The following FZD3 variants were observed in gnomAD, a reference collection of about 807,000 sequenced individuals.
The protein encoded by FZD3 is frizzled class receptor 3.
A neutral mutation model predicts 60.7 loss-of-function variants in FZD3; 30 were observed. The ratio of observed to expected loss-of-function variants is 0.49; its 90% confidence interval spans 0.37 to 0.67. FZD3 has a LOEUF of 0.67. Among genes scored for constraint, FZD3 ranks in the 30% least tolerant of loss-of-function variants. FZD3 has a pLI of 0.00. For missense variants in FZD3, 605 were observed against 838.7 expected (o/e 0.72, Z 3.44); for synonymous variants, 246 against 275.2 (o/e 0.89, Z 1.05).
chr8:28,557,354 A>G (rs1805530460), intron 7 of FZD3, among the ~76,000 whole-genome samples: 1 of 152,138 alleles, frequency 6.6e-6, no homozygotes, highest in Non-Finnish European at 1.5e-5. Context: ...GAAAATTATA[A>G]TACCTGAAAC....
chr8:28,533,769 C>A (rs368780743), intron 5 of FZD3, among the ~76,000 whole-genome samples: 2 of 152,062 alleles, frequency 1.3e-5, no homozygotes, highest in Non-Finnish European at 2.9e-5. Context: ...TTCCCTCCAA[C>A]GTGTATTTTT....
intron 5 of FZD3, among the ~76,000 whole-genome samples, chr8:28,531,121 T>C (rs1804863655): frequency 6.6e-6 from 1 of 152,172 alleles, no homozygotes; most frequent in Admixed American, 6.5e-5. Flanking sequence ...TTCCTTTCCA[T>C]ATTTCCATTC....
chr8:28,550,435 CTG>C (rs35198887), intron 5 of FZD3, among the ~76,000 whole-genome samples: 62,352 of 106,252 alleles, frequency 0.59, 14,252 homozygotes, highest in East Asian at 0.63. Context: ...ATTAGTTCTG[CTG>C]TTTTTTTTTT....
At chr8:28,555,600 G>T in intron 6 of FZD3, 138 bp from the exon 7 acceptor site, 3 of 625,956 alleles carry the variant, frequency 4.8e-6, no homozygotes. Flanking sequence ...TGTCAACAAT[G>T]TTTCTTCATG....
intron 3 of FZD3, among the ~76,000 whole-genome samples, chr8:28,508,804 T>C (rs1277231393): frequency 6.6e-6 from 1 of 152,238 alleles, no homozygotes; most frequent in Non-Finnish European, 1.5e-5. Flanking sequence ...GAATTACAGA[T>C]GTGAACCACC....
chr8:28,559,416 T>C (rs1347677662), intron 7 of FZD3, among the ~76,000 whole-genome samples: 1 of 152,196 alleles, frequency 6.6e-6, no homozygotes, highest in Non-Finnish European at 1.5e-5. Flanking sequence ...CTCAGCTAAG[T>C]TTGCAGCTTC....
chr8:28,495,917 C>T (rs1300035255), intron 1 of FZD3, among the ~76,000 whole-genome samples: 1 of 152,030 alleles, frequency 6.6e-6, no homozygotes, highest in East Asian at 1.9e-4. Context: ...TCATTCTACC[C>T]TCTCTTTCCT....
At chr8:28,545,184 A>G (rs756211011) in intron 5 of FZD3, among the ~76,000 whole-genome samples, 1 of 152,206 alleles carries the variant, frequency 6.6e-6, no homozygotes, top group Non-Finnish European at 1.5e-5. Flanking sequence ...GCTACTCTTC[A>G]GAGAGATGCA....
intron 3 of FZD3, among the ~76,000 whole-genome samples, chr8:28,514,724 A>C (rs1398136295): frequency 6.6e-6 from 1 of 152,178 alleles, no homozygotes; most frequent in East Asian, 1.9e-4. Context: ...TAAAAACTTC[A>C]TTCCTGTTTT....
At chr8:28,526,836 A>G (rs1804725299) in intron 4 of FZD3, among the ~76,000 whole-genome samples, 1 of 152,214 alleles carries the variant, frequency 6.6e-6, no homozygotes, top group South Asian at 2.1e-4. Context: ...TGGCAAAAAA[A>G]TTAAAGATGA....
rs535937971 is a variant in FZD3 at position 28,510,104 on chromosome 8, T to G, written c.189+6902T>G. On this transcript the variant is annotated intron_variant, in intron 3 of 7. Transcript: ENST00000240093. ...CTTGGCTAACACTAGGTATTTTCTGTTTTTTTTGTTTTTGTTTTTTTGTTT... is the reference window on the plus strand; with the variant it reads ...CTTGGCTAACACTAGGTATTTTCTGGTTTTTTTGTTTTTGTTTTTTTGTTT... 2.4e-3 allele frequency among the ~76,000 whole-genome samples: 272 copies of G among 111,396 alleles called. 3 individuals are homozygous for G. The highest frequency in any genetic ancestry group is 8.2e-3 in the African/African-American group (257 of 31,272). The allele number at this position is 111,396 out of a possible 152,430, so 73.1% of individuals were successfully genotyped here.
chr8:28,516,409 C>A (rs1389267011), intron 3 of FZD3, among the ~76,000 whole-genome samples: 1 of 152,102 alleles, frequency 6.6e-6, no homozygotes, highest in African/African-American at 2.4e-5. Context: ...AATTTTAGGA[C>A]CAGCTTTTCC....
At position 28,522,575 on chromosome 8, in the gene FZD3, T is replaced by C. The variant is rs185413544; in HGVS notation, c.386+1741T>C. Among the ~76,000 whole-genome samples the C allele has an allele frequency of 3.0e-3, 464 of 152,304 alleles. 4 individuals carry two copies. Among genetic ancestry groups the C allele is most frequent in the African/African-American group, 0.011 (453 of 41,570 alleles). ...TTATAAATTGCCTGGGCAGGAACTC[T>C]GTTTTATGCTTCTTGTATTTAACGC... On this transcript the variant is annotated intron_variant, in intron 4 of 7. Transcript: ENST00000240093.
intron 5 of FZD3, among the ~76,000 whole-genome samples, chr8:28,531,569 G>A (rs751230026): frequency 2.0e-5 from 3 of 152,132 alleles, no homozygotes; most frequent in South Asian, 2.1e-4. Flanking sequence ...TAATTTATAC[G>A]CACACCAGAA....
chr8:28,525,077 C>G (rs745789573), intron 4 of FZD3, among the ~76,000 whole-genome samples: 1 of 152,108 alleles, frequency 6.6e-6, no homozygotes, highest in Non-Finnish European at 1.5e-5. Context: ...TTGCCCCGCT[C>G]AAGTCTGTCT....
In FZD3 at chr8:28,570,593, C is replaced by G. The variant is rs2130492578; in HGVS notation, c.*7582C>G. 6.6e-6 allele frequency: 1 copy of G among 151,028 alleles called. No individual in the cohort carries two copies. The highest frequency in any genetic ancestry group is 1.9e-4 in the East Asian group (1 of 5,138). The allele number at this position is 151,028 out of a possible 1,614,324, so 9.4% of individuals were successfully genotyped here. A position where few individuals can be genotyped will look rare whatever the true frequency, so the allele number is the denominator to read the frequency against. ...TGAGCTGAGATCGCACCGCTGCACT[C>G]CAGCCTGGGCAACGGAGCGAGACTC... On this transcript the variant is annotated 3_prime_UTR_variant, in exon 8 of 8. Coordinates refer to ENST00000240093, the MANE Select transcript of FZD3 (RefSeq NM_017412.4).
chr8:28,570,527 A>T lies in FZD3; in HGVS notation c.*7516A>T, dbSNP rs1805786956. 1 of 151,672 alleles carries T rather than the reference A, an allele frequency of 6.6e-6. No individual in the cohort carries two copies. Among genetic ancestry groups the T allele is most frequent in the South Asian group, 2.1e-4 (1 of 4,808 alleles). 9.4% of individuals were successfully genotyped at this position (151,672 alleles called of 1,614,324 possible). A position where few individuals can be genotyped will look rare whatever the true frequency, so the allele number is the denominator to read the frequency against. ...GTAGTCCCAGCCACTCGGGAGGCTGAGGCAGGAGAATGGCGTGAACCCGGG... is the reference window on the plus strand; with the variant it reads ...GTAGTCCCAGCCACTCGGGAGGCTGTGGCAGGAGAATGGCGTGAACCCGGG... On this transcript the variant is annotated 3_prime_UTR_variant, in exon 8 of 8. Coordinates refer to ENST00000240093, the MANE Select transcript of FZD3 (RefSeq NM_017412.4).
chr8:28,520,633 C>G lies in FZD3; in HGVS notation c.190-5C>G, dbSNP rs762202030. ...ACTAATTATTCAATTTTAACTTTTC[C>G]CTAGCCATTCCACCCTATGGTGAAT... On this transcript the variant is annotated splice_polypyrimidine_tract_variant and splice_region_variant and intron_variant, in intron 3 of 7. Coordinates refer to ENST00000240093, the MANE Select transcript of FZD3 (RefSeq NM_017412.4). The G allele has an allele frequency of 5.2e-6, 8 of 1,530,706 alleles. No homozygotes were observed. The South Asian group carries it at 1.1e-4, about 20-fold the overall frequency. 94.8% of individuals were successfully genotyped at this position (1,530,706 alleles called of 1,614,324 possible).
intron 6 of FZD3, 104 bp downstream of exon 6, chr8:28,551,855 CAAGACT>C: frequency 1.1e-6 from 1 of 893,724 alleles, no homozygotes; most frequent in Non-Finnish European, 1.7e-6. Flanking sequence ...ATTATTCAAA[CAAGACT>C]AACATTTTCA....
Sources: allele counts gnomAD v4.1 joint callset (sites outside exome capture counted in the v4.1 genomes callset), GRCh38; gene constraint gnomAD v4.1.1; transcripts MANE v1.5; gene names NCBI Gene and HGNC (gene_info 2026-07-23, HGNC 2026-07-21).